LMNB2: variants seen among roughly 807,000 people sequenced by gnomAD.
LMNB2 encodes the protein lamin B2.
LMNB2 carries 17 observed loss-of-function variants against 69.3 expected under a neutral mutation model. The ratio of observed to expected loss-of-function variants is 0.25; its 90% CI spans 0.17 to 0.37. The LOEUF is 0.37. Among genes scored for constraint, LMNB2 ranks in the 10% least tolerant of loss-of-function variants. The probability of loss-of-function intolerance (pLI) is 1.00; values close to 1 mark genes in which losing one functional copy is unlikely to be tolerated. For synonymous variants in LMNB2, 397 were observed against 389.3 expected, an observed-to-expected ratio of 1.02 and a Z score of -0.23; for missense variants, 789 against 883.6, an observed-to-expected ratio of 0.89 and a Z score of 1.36.
intron 6 of LMNB2, 30 bp from the exon 7 acceptor site, chr19:2,434,545 G>A: frequency 1.9e-6 from 3 of 1,602,984 alleles, no homozygotes; most frequent in South Asian, 1.1e-5. Flanking sequence ...CGAAGGTCAG[G>A]GCAGCCCATG....
Position 2,434,931 on chromosome 19 carries a change from G to C in LMNB2, c.856-18C>G. The C allele has an allele frequency of 6.3e-7, 1 of 1,595,610 alleles. No homozygotes were observed. Among genetic ancestry groups the C allele is most frequent in the Middle Eastern group, 1.8e-4 (1 of 5,594 alleles). ...CTGTCCAGCTGTGGGGAGACGGGCG[G>C]GTGAGTGCGGGCGCGGGGCGGGGCG... On this transcript the variant is annotated intron_variant, in intron 5 of 11. Transcript: ENST00000325327.
At chr19:2,434,758 G>T (rs765105509) in intron 6 of LMNB2, 30 bp downstream of exon 6, 19 of 1,587,494 alleles carry the variant, frequency 1.2e-5, no homozygotes, top group Middle Eastern at 1.9e-4. Context: ...GGGCCAGGGG[G>T]ACGGCAGACG....
At chr19:2,441,238 T>C (rs4807266) in intron 2 of LMNB2, among the ~76,000 whole-genome samples, 45,578 of 152,176 alleles carry the variant, frequency 0.3, 7,391 homozygotes, top group African/African-American at 0.43. Context: ...GTACCCTGAA[T>C]CCCGGGTCTG....
chr19:2,434,023 C>G lies in LMNB2; in HGVS notation c.1285G>C (p.Gly429Arg), dbSNP rs760709933. ...SSSSGSLSAT[G>R]RLGRSKRKRL... ...TTCCGCTTACTGCGGCCCAGGCGCC[C>G]GGTGGCGGACAAGCTGCCGCTGCTG... is the stretch of plus-strand genomic sequence containing the variant. The change falls in exon 8 of 12, where the codon GGG becomes CGG. Residue 429 changes from glycine (G) to arginine (R), a missense_variant. Physicochemically the swap from Gly to Arg is moderately radical, Grantham distance 125. Coordinates refer to ENST00000325327, the MANE Select transcript of LMNB2 (RefSeq NM_032737.4). 2.4e-5 allele frequency: 39 copies of G among 1,604,432 alleles called. No homozygotes were observed. Among genetic ancestry groups the G allele is most frequent in the Non-Finnish European group, 3.2e-5 (38 of 1,176,902 alleles).
chr19:2,450,517 G>A (rs1208936606), intron 1 of LMNB2, among the ~76,000 whole-genome samples: 3 of 151,980 alleles, frequency 2.0e-5, no homozygotes, highest in Admixed American at 1.3e-4. Context: ...ATGAGCCACC[G>A]CACCTGGCAT....
rs201335788 is a variant in LMNB2, at chr19:2,434,064, G to A, written c.1244C>T (p.Ser415Leu). 2.5e-6 allele frequency: 4 copies of A among 1,598,686 alleles called. No homozygotes were observed. In the East Asian group the frequency reaches 9.0e-5, roughly 36 times the overall value. ...SPSPSSRVTV[S>L]RATSSSSGSL... ...GCCGCTGCTGCTCGAGGTGGCTCGTGAGACGGTGACGCGCGAGGATGGGCT... is the reference window on the plus strand; with the variant it reads ...GCCGCTGCTGCTCGAGGTGGCTCGTAAGACGGTGACGCGCGAGGATGGGCT... Residue 415 changes from serine to leucine, a missense_variant, in exon 8 of 12, where the codon TCA becomes TTA. This residue lies in a region of LMNB2 where 609 missense variants were observed against 630.9 expected (regional missense o/e 0.97). Transcript: ENST00000325327.
intron 2 of LMNB2, among the ~76,000 whole-genome samples, chr19:2,441,804 C>T (rs1472292306): frequency 6.6e-6 from 1 of 152,228 alleles, no homozygotes; most frequent in Non-Finnish European, 1.5e-5. Flanking sequence ...CTGGAGGAGC[C>T]AGGGCCACCG....
rs756505301 is a variant in LMNB2 at position 2,434,105 on chromosome 19, C to T, written c.1203G>A (p.Arg401=). The T allele has an allele frequency of 6.3e-7, 1 of 1,583,420 alleles. No homozygotes were observed. Among genetic ancestry groups the T allele is most frequent in the South Asian group, 1.1e-5 (1 of 88,440 alleles). The change falls in exon 8 of 12, where the codon AGG becomes AGA. Residue 401 remains arginine (R), a splice_region_variant and synonymous_variant. Coordinates refer to ENST00000325327, the MANE Select transcript of LMNB2 (RefSeq NM_032737.4). ...YRKLLEGEEE[R]LKLSPSPSSR... ...AGGATGGGCTGGGGGACAGCTTCAG[C>T]CTGTGGGGAAGGCAAGGAAGGTGGG... is the stretch of plus-strand genomic sequence containing the variant.
At position 2,434,311 on chromosome 19, in the gene LMNB2, C is replaced by T; in HGVS notation, c.1186G>A (p.Glu396Lys). Residue 396 changes from glutamate to lysine, a missense_variant, in exon 7 of 12, where the codon GAG becomes AAG. Physicochemically the swap from Glu to Lys is moderately conservative, Grantham distance 56. This residue lies in a region of LMNB2 where 609 missense variants were observed against 630.9 expected (regional missense o/e 0.97). Transcript: ENST00000325327. ...CTGCCGCACCTCTCCTCCTCGCCCT[C>T]CAGGAGCTTCCGGTAGGCGTTGATC... ...MEINAYRKLL[E>K]GEEERLKLSP... is the part of the protein sequence containing the mutation. 1 of 1,612,986 alleles carries T rather than the reference C, an allele frequency of 6.2e-7. No homozygotes were observed. Among genetic ancestry groups the T allele is most frequent in the Non-Finnish European group, 8.5e-7 (1 of 1,179,976 alleles).
intron 2 of LMNB2, among the ~76,000 whole-genome samples, chr19:2,439,035 C>CTTTTTTTTTTTTTT (rs397945879): frequency 3.0e-5 from 2 of 65,708 alleles, no homozygotes; most frequent in African/African-American, 1.3e-4. Context: ...GGCACTTAAG[C>CTTTTTTTTTTTTTT]TTTTTTTTTT....
At chr19:2,438,748 G>A (rs577535049) in intron 2 of LMNB2, among the ~76,000 whole-genome samples, 1 of 152,346 alleles carries the variant, frequency 6.6e-6, no homozygotes, top group South Asian at 2.1e-4. Flanking sequence ...GCAAGTGACA[G>A]GCACCAGCGC....
At chr19:2,455,757 A>G (rs1443797315) in intron 1 of LMNB2, among the ~76,000 whole-genome samples, 4 of 150,318 alleles carry the variant, frequency 2.7e-5, no homozygotes, top group African/African-American at 7.4e-5. Flanking sequence ...GTCCCCCAAG[A>G]TCTCGGAAAC....
chr19:2,450,314 T>C (rs1269064760), intron 1 of LMNB2, among the ~76,000 whole-genome samples: 6 of 151,920 alleles, frequency 3.9e-5, no homozygotes, highest in African/African-American at 1.5e-4. Context: ...GACAGTGACG[T>C]AGTCACTAAA....
chr19:2,442,833 C>T (rs1248178136), intron 2 of LMNB2, among the ~76,000 whole-genome samples: 2 of 152,148 alleles, frequency 1.3e-5, no homozygotes, highest in Admixed American at 6.6e-5. Context: ...AGGGCGGGCA[C>T]TGTGTACCAT....
In LMNB2 at chr19:2,453,547, G is replaced by C. The variant is rs558407253; in HGVS notation, c.264+3123C>G. ...CTAGTCGCAGGCGGAACTCCCAGCT[G>C]TCCCCTGCCACATGCCCTGCAGACA... is the stretch of plus-strand genomic sequence containing the variant. On this transcript the variant is annotated intron_variant, in intron 1 of 11. Transcript: ENST00000325327. This position sits in a 1 kb window ranked among gnomAD's most constrained non-coding sequence, Gnocchi z 4.4. 1.3e-5 allele frequency among the ~76,000 whole-genome samples: 2 copies of C among 152,216 alleles called. No individual in the cohort carries two copies. Among genetic ancestry groups the C allele is most frequent in the South Asian group, 4.1e-4 (2 of 4,824 alleles).
chr19:2,448,781 G>C (rs1971987902), intron 1 of LMNB2, among the ~76,000 whole-genome samples: 1 of 152,206 alleles, frequency 6.6e-6, no homozygotes, highest in African/African-American at 2.4e-5. Context: ...CCAGGAGGCA[G>C]GGGTTGCTGT....
chr19:2,431,859 G>A lies in LMNB2; in HGVS notation c.1634C>T (p.Thr545Met), dbSNP rs746479856. 1.7e-5 allele frequency: 27 copies of A among 1,613,048 alleles called. No individual in the cohort carries two copies. Among genetic ancestry groups the A allele is most frequent in the East Asian group, 4.5e-5 (2 of 44,872 alleles). Residue 545 changes from threonine to methionine, a missense_variant, in exon 10 of 12, where the codon ACG (threonine) becomes ATG (methionine). Physicochemically the swap from Thr to Met is moderately conservative, Grantham distance 81 (BLOSUM62 -1). Coordinates refer to ENST00000325327, the MANE Select transcript of LMNB2 (RefSeq NM_032737.4). Reference sequence around the variant, plus strand: ...GCTGCTCTGGCCCTTCCACACCAGCGTCGAGGGGGGGCTGTGGGCCACCCC... The same window carrying A: ...GCTGCTCTGGCCCTTCCACACCAGCATCGAGGGGGGGCTGTGGGCCACCCC... ...GAGVAHSPPS[T>M]LVWKGQSSWG...
At chr19:2,456,569 C>T in intron 1 of LMNB2, 101 bp downstream of exon 1, 1 of 1,214,234 alleles carries the variant, frequency 8.2e-7, no homozygotes, top group Non-Finnish European at 1.1e-6. Flanking sequence ...GGGGCCCGTC[C>T]CCGTCTGCAC....
intron 1 of LMNB2, among the ~76,000 whole-genome samples, chr19:2,444,767 C>A (rs1971935345): frequency 1.3e-5 from 2 of 152,220 alleles, no homozygotes; most frequent in Non-Finnish European, 2.9e-5. Context: ...GCCAGGCGAC[C>A]CTGGGTCCCA....
Sources: gnomAD v4.1 joint callset for allele counts (sites outside exome capture counted in the v4.1 genomes callset) on GRCh38, gnomAD v4.1.1 for gene constraint, gnomAD v4.1.1 regional missense constraint, Gnocchi (gnomAD v3.1) non-coding constraint, MANE v1.5 for transcripts, NCBI Gene and HGNC (gene_info 2026-07-23, HGNC 2026-07-21) for gene names.